The following THSD7A variants were observed in gnomAD, a reference collection of about 807,000 sequenced individuals.
THSD7A encodes the protein thrombospondin type 1 domain containing 7A.
THSD7A carries 96 observed loss-of-function variants against 231.3 expected under a neutral mutation model. That is an observed-to-expected ratio of 0.41 (90% CI 0.35 to 0.49). The LOEUF (loss-of-function observed/expected upper bound fraction) is 0.49. THSD7A is among the 20% of genes least tolerant of loss of function. The pLI is 0.05. For synonymous variants in THSD7A, 940 were observed against 743.3 expected (o/e 1.26, Z -4.30); for missense variants, 2,290 against 2,070.2 (o/e 1.11, Z -2.06).
intron 1 of THSD7A, among the ~76,000 whole-genome samples, chr7:11,682,572 T>C (rs1382665653): frequency 6.6e-6 from 1 of 152,080 alleles, no homozygotes; most frequent in Non-Finnish European, 1.5e-5. Flanking sequence ...CTTAAGTATA[T>C]AGAAACACAA....
At chr7:11,553,380 G>T (rs568059033) in intron 4 of THSD7A, among the ~76,000 whole-genome samples, 2 of 152,160 alleles carry the variant, frequency 1.3e-5, no homozygotes, top group South Asian at 2.1e-4. Context: ...CTCAAAAACT[G>T]TAAGACGATT....
intron 6 of THSD7A, among the ~76,000 whole-genome samples, chr7:11,518,518 A>C (rs1432583929): frequency 6.6e-6 from 1 of 152,154 alleles, no homozygotes; most frequent in Non-Finnish European, 1.5e-5. Flanking sequence ...CAGTGGATAC[A>C]TGTAGTAAAC....
chr7:11,586,400 G>T (rs937597878), intron 4 of THSD7A, among the ~76,000 whole-genome samples: 1 of 152,118 alleles, frequency 6.6e-6, no homozygotes, highest in Non-Finnish European at 1.5e-5. Flanking sequence ...ACGACTTAAG[G>T]ATTGCATCTG....
intron 6 of THSD7A, among the ~76,000 whole-genome samples, chr7:11,538,425 C>T (rs1380890907): frequency 6.6e-6 from 1 of 151,892 alleles, no homozygotes; most frequent in African/African-American, 2.4e-5. Context: ...TACTTTTTTC[C>T]CCTTGCTCCG....
At chr7:11,770,789 C>G (rs1363955259) in intron 1 of THSD7A, among the ~76,000 whole-genome samples, 2 of 152,064 alleles carry the variant, frequency 1.3e-5, no homozygotes, top group Non-Finnish European at 2.9e-5. Context: ...AACTCCAAAT[C>G]TACTGACTAT....
intron 1 of THSD7A, among the ~76,000 whole-genome samples, chr7:11,791,305 G>A (rs1783946190): frequency 1.3e-5 from 2 of 152,086 alleles, no homozygotes; most frequent in African/African-American, 4.8e-5. Context: ...AATTTACTTG[G>A]CAATTGGCAT....
At chr7:11,476,129 T>G (rs992617241) in intron 7 of THSD7A, among the ~76,000 whole-genome samples, 4 of 152,046 alleles carry the variant, frequency 2.6e-5, no homozygotes, top group Admixed American at 1.3e-4. Context: ...TTTGTTCAAA[T>G]TCAACTATTT....
chr7:11,507,603 T>G (rs201734776), intron 6 of THSD7A, among the ~76,000 whole-genome samples: 8 of 122,598 alleles, frequency 6.5e-5, no homozygotes, highest in East Asian at 2.3e-4. Context: ...TAATGTGTGT[T>G]TTTTTTTTTT....
intron 23 of THSD7A, among the ~76,000 whole-genome samples, chr7:11,395,653 G>A (rs1273909252): frequency 2.0e-5 from 3 of 151,186 alleles, no homozygotes; most frequent in African/African-American, 2.4e-5. Context: ...TCAGCCTCCC[G>A]AGTAGCTGGG....
chr7:11,588,451 A>G (rs951295725), intron 4 of THSD7A, among the ~76,000 whole-genome samples: 16 of 152,218 alleles, frequency 1.1e-4, no homozygotes, highest in African/African-American at 3.4e-4. Context: ...ACATATTTAC[A>G]TGATAAATAT....
intron 1 of THSD7A, among the ~76,000 whole-genome samples, chr7:11,701,484 A>G (rs1270694268): frequency 1.3e-5 from 2 of 151,368 alleles, no homozygotes; most frequent in African/African-American, 4.8e-5. Flanking sequence ...AGAATATTCA[A>G]AAATAGAAAA....
intron 11 of THSD7A, among the ~76,000 whole-genome samples, chr7:11,458,959 T>C (rs771533582): frequency 6.6e-5 from 10 of 152,126 alleles, no homozygotes; most frequent in Non-Finnish European, 1.3e-4. Flanking sequence ...TTCTTAGCCT[T>C]AAAGGGAGGA....
rs190915182 is a variant in THSD7A at position 11,591,630 on chromosome 7, C to A, written c.1272-989G>T. On this transcript the variant is annotated intron_variant, in intron 3 of 27. Coordinates refer to ENST00000423059, the MANE Select transcript of THSD7A (RefSeq NM_015204.3). The stretch of plus-strand genomic sequence containing the variant: ...GTTTTGTGACAGTAAAGATGAACTT[C>A]ATGCCTGTTTTTAAATTTTATAAGT... Among the ~76,000 whole-genome samples the A allele has an allele frequency of 3.3e-4, 51 of 152,242 alleles. 1 individual carries two copies. The highest frequency in any genetic ancestry group is 1.3e-4 in the Non-Finnish European group (9 of 68,004).
intron 1 of THSD7A, chr7:11,821,321 T>G: frequency 1.3e-6 from 1 of 770,218 alleles, no homozygotes; most frequent in Non-Finnish European, 2.4e-6. Context: ...GTTTTGTTCT[T>G]AATTTCATTT....
intron 6 of THSD7A, among the ~76,000 whole-genome samples, chr7:11,508,271 A>G (rs1787641976): frequency 6.6e-6 from 1 of 152,216 alleles, no homozygotes; most frequent in Non-Finnish European, 1.5e-5. Context: ...GACTAGATAG[A>G]CATTTCTTCA....
chr7:11,546,223 C>CACACACACACACACACACAA lies in THSD7A; in HGVS notation c.1454-3107_1454-3106insTTGTGTGTGTGTGTGTGTGT, dbSNP rs371554481. ...GCGCGCTCACACACACACACACACACACACACACGTGGACCCTGCCACACT... is the reference window on the plus strand; with the variant it reads ...GCGCGCTCACACACACACACACACACACACACACACACACACACAAACACACACGTGGACCCTGCCACACT... On this transcript the variant is annotated intron_variant, in intron 4 of 27. Coordinates refer to ENST00000423059, the MANE Select transcript of THSD7A (RefSeq NM_015204.3). Among the ~76,000 whole-genome samples, 1,387 of 148,776 alleles carry CACACACACACACACACACAA rather than the reference C, an allele frequency of 9.3e-3. 29 individuals are homozygous for CACACACACACACACACACAA. The highest frequency in any genetic ancestry group is 0.032 in the African/African-American group (1,300 of 40,230).
In THSD7A at chr7:11,376,588, G is replaced by T. The variant is rs747304526; in HGVS notation, c.4871C>A (p.Ser1624Tyr). ...CACTCACCAAGCTAGATAAATCATG[G>T]AGACAATAAAGATGAGTAACACAAA... is the stretch of plus-strand genomic sequence containing the variant. ...GAFVLLIFIV[S>Y]MIYLACKKPK... Residue 1624 changes from serine to tyrosine, a missense_variant, in exon 27 of 28, where the codon TCC becomes TAC. By Grantham distance (144) the Ser-to-Tyr change is moderately radical. Coordinates refer to ENST00000423059, the MANE Select transcript of THSD7A (RefSeq NM_015204.3). The T allele has an allele frequency of 6.3e-7, 1 of 1,583,122 alleles. No homozygotes were observed. Among genetic ancestry groups the T allele is most frequent in the Non-Finnish European group, 8.6e-7 (1 of 1,163,752 alleles).
chr7:11,474,602 C>A lies in THSD7A; in HGVS notation c.2018-34G>T, dbSNP rs375245782. 5 of 1,533,888 alleles carry A rather than the reference C, an allele frequency of 3.3e-6. No homozygotes were observed. The East Asian group carries it at 6.9e-5, about 21-fold the overall frequency. The stretch of plus-strand genomic sequence containing the variant: ...ATGGACAATGATAGCAAATTAGATA[C>A]GGTGCCAACAGGAACCTTACCATAC... On this transcript the variant is annotated intron_variant, in intron 7 of 27. Coordinates refer to ENST00000423059, the MANE Select transcript of THSD7A (RefSeq NM_015204.3). This position sits in a 1 kb window ranked among gnomAD's most constrained non-coding sequence, Gnocchi z 4.1.
chr7:11,548,835 C>A (rs1789505693), intron 4 of THSD7A, among the ~76,000 whole-genome samples: 1 of 119,300 alleles, frequency 8.4e-6, no homozygotes. Context: ...AACTATGTGT[C>A]AGAGGAAAAT....
Sources: gnomAD v4.1 joint callset for allele counts (sites outside exome capture counted in the v4.1 genomes callset) on GRCh38, gnomAD v4.1.1 for gene constraint, Gnocchi (gnomAD v3.1) non-coding constraint, MANE v1.5 for transcripts, NCBI Gene and HGNC (gene_info 2026-07-23, HGNC 2026-07-21) for gene names.